The following MMP17 variants were observed in gnomAD, a reference collection of about 807,000 sequenced individuals.
MMP17 encodes matrix metalloproteinase-17.
In MMP17, 54 loss-of-function variants were observed where a neutral mutation model predicts 49.1. That is an observed-to-expected ratio of 1.10 (90% confidence interval 0.88 to 1.38). The LOEUF (loss-of-function observed/expected upper bound fraction) is 1.38. MMP17 is among the 40% of genes most tolerant of loss of function. MMP17 has a pLI of 0.00. For synonymous variants in MMP17, 397 were observed against 383.1 expected (o/e 1.04, Z -0.42); for missense variants, 837 against 853.7 (o/e 0.98, Z 0.24).
rs745512111 is a variant in MMP17 at position 131,845,463 on chromosome 12, C to T, written c.1204+14C>T. 6.5e-7 allele frequency: 1 copy of T among 1,547,114 alleles called. No homozygotes were observed. The highest frequency in any genetic ancestry group is 1.2e-5 in the South Asian group (1 of 85,130). On this transcript the variant is annotated intron_variant, in intron 8 of 9. Transcript: ENST00000360564. ...TCTTCTTTAAAGGTGGGTGGGCCTC[C>T]CCGTCGCACTCCGGGCTTCCCGGGC...
At chr12:131,842,057 C>T (rs530718669) in intron 5 of MMP17, among the ~76,000 whole-genome samples, 1 of 152,214 alleles carries the variant, frequency 6.6e-6, no homozygotes, top group African/African-American at 2.4e-5. Flanking sequence ...GCGTCCCAGG[C>T]CTGTGCAAAT....
At chr12:131,830,287 GGCACCCCGGGGGTCACCC>G (rs1308178741) in intron 1 of MMP17, among the ~76,000 whole-genome samples, 2 of 152,246 alleles carry the variant, frequency 1.3e-5, no homozygotes, top group East Asian at 3.9e-4. Context: ...GGTCTCTCCT[GGCACCCCGGGGGTCACCC>G]GCCCCGCGCC....
Position 131,840,662 on chromosome 12 carries a change from C to T in MMP17, c.512C>T (p.Ala171Val), listed in dbSNP as rs377068027. The T allele has an allele frequency of 1.9e-5, 30 of 1,608,470 alleles. No individual in the cohort carries two copies. The highest frequency in any genetic ancestry group is 1.6e-4 in the Middle Eastern group (1 of 6,084). ...YYALKVWSDIAPLNFHEVAGS... is the reference protein window; with the variant it reads ...YYALKVWSDIVPLNFHEVAGS... ...GCCCTCAAGGTCTGGAGCGACATTG[C>T]GCCCCTGAACTTCCACGAGGTGGCG... Residue 171 changes from alanine (A) to valine (V), a missense_variant, in exon 4 of 10, where the codon GCG becomes GTG. By Grantham distance (64) the Ala-to-Val change is moderately conservative. Coordinates refer to ENST00000360564, the MANE Select transcript of MMP17 (RefSeq NM_016155.7).
rs1421605259 is a variant in MMP17 at position 131,846,745 on chromosome 12, C to T, written c.1204+1296C>T. Among the ~76,000 whole-genome samples the T allele has an allele frequency of 1.3e-5, 2 of 152,168 alleles. No individual in the cohort carries two copies. Among genetic ancestry groups the T allele is most frequent in the Non-Finnish European group, 2.9e-5 (2 of 68,026 alleles). On this transcript the variant is annotated intron_variant, in intron 8 of 9. Transcript: ENST00000360564. This position sits in a 1 kb window ranked among gnomAD's most constrained non-coding sequence, Gnocchi z 4.6. Reference sequence around the variant, plus strand: ...ACCCTCTTTCCAAGTAAGGTCACGTCCTGAGATTCTGGGTGGATGTGAGTT... The same window carrying T: ...ACCCTCTTTCCAAGTAAGGTCACGTTCTGAGATTCTGGGTGGATGTGAGTT...
chr12:131,828,657 A>G lies in MMP17; in HGVS notation c.159+4A>G. 2.3e-6 allele frequency: 1 copy of G among 441,982 alleles called. No homozygotes were observed. Among genetic ancestry groups the G allele is most frequent in the Non-Finnish European group, 3.1e-6 (1 of 322,974 alleles). The allele number at this position is 441,982 out of a possible 1,614,324, so 27.4% of individuals were successfully genotyped here. Reference sequence around the variant, plus strand: ...CGAGGACCTCAGCCTGGGAGTGGTGAGCGCGCGGGCGGGACGGGCGCGGAG... The same window carrying G: ...CGAGGACCTCAGCCTGGGAGTGGTGGGCGCGCGGGCGGGACGGGCGCGGAG... On this transcript the variant is annotated splice_donor_region_variant and intron_variant, in intron 1 of 9. Coordinates refer to ENST00000360564, the MANE Select transcript of MMP17 (RefSeq NM_016155.7).
At chr12:131,838,537 A>G (rs7971187) in intron 2 of MMP17, 75 bp from the exon 3 acceptor site, 1,009,267 of 1,528,886 alleles carry the variant, frequency 0.66, 334,442 homozygotes, top group African/African-American at 0.76. Context: ...CAGGGCTCCC[A>G]CCCTTGCGGA....
chr12:131,850,240 C>T (rs778979228), intron 9 of MMP17, among the ~76,000 whole-genome samples, 181 bp downstream of exon 9: 17 of 152,158 alleles, frequency 1.1e-4, no homozygotes, highest in East Asian at 1.9e-4. Flanking sequence ...AGTCGCTCCC[C>T]GAAGGCCTGG....
At chr12:131,840,411 C>A in intron 3 of MMP17, 162 bp from the exon 4 acceptor site, 1 of 705,394 alleles carries the variant, frequency 1.4e-6, no homozygotes, top group Non-Finnish European at 2.3e-6. Flanking sequence ...ACTGGAACCG[C>A]CGTGAGTGCA....
chr12:131,843,277 T>C (rs1887518493), intron 5 of MMP17, among the ~76,000 whole-genome samples: 1 of 149,084 alleles, frequency 6.7e-6, no homozygotes, highest in Admixed American at 6.6e-5. Flanking sequence ...CTTTTTTTTT[T>C]TTTTTTTTTT....
rs778573423 is a variant in MMP17 at position 131,840,762 on chromosome 12, C to T, written c.612C>T (p.Gly204=). 2.2e-5 allele frequency: 35 copies of T among 1,604,494 alleles called. No individual in the cohort carries two copies. Among genetic ancestry groups the T allele is most frequent in the Non-Finnish European group, 2.6e-5 (31 of 1,179,860 alleles). Residue 204 remains glycine (G), a synonymous_variant, in exon 4 of 10, where the codon GGC becomes GGT. Transcript: ENST00000360564. ...ACGGCTACCCCTTCGACGGCCCCGG[C>T]GGCACCGTGGCCCACGCCTTCTTCC... ...HNDGYPFDGP[G]GTVAHAFFPG... is the part of the protein sequence containing the mutation.
chr12:131,850,152 G>T, intron 9 of MMP17, 93 bp downstream of exon 9: 1 of 1,449,042 alleles, frequency 6.9e-7, no homozygotes. Flanking sequence ...TTCCCTGAAA[G>T]GAGGACGGCC....
intron 1 of MMP17, among the ~76,000 whole-genome samples, chr12:131,835,057 G>C (rs912296362): frequency 3.9e-5 from 6 of 152,166 alleles, no homozygotes; most frequent in Admixed American, 3.3e-4. Flanking sequence ...TGTTCTGTTG[G>C]GGTGTCCCTG....
chr12:131,838,503 C>T (rs903193936), intron 2 of MMP17, 109 bp from the exon 3 acceptor site: 46 of 1,468,518 alleles, frequency 3.1e-5, no homozygotes, highest in Middle Eastern at 2.5e-4. Flanking sequence ...GAGGAGGGGG[C>T]GGCTCGGAGG....
At chr12:131,837,675 G>A (rs1049998911) in intron 1 of MMP17, among the ~76,000 whole-genome samples, 12 of 152,348 alleles carry the variant, frequency 7.9e-5, no homozygotes, top group African/African-American at 2.6e-4. Context: ...GGTCGTGCAC[G>A]GCACAAGCTC....
chr12:131,850,179 C>T (rs1400232100), intron 9 of MMP17, 120 bp downstream of exon 9: 2 of 1,349,154 alleles, frequency 1.5e-6, no homozygotes, highest in East Asian at 2.5e-5. Context: ...GGTGTGGGCT[C>T]TGAGGGTCCC....
chr12:131,835,594 G>A (rs1298198470), intron 1 of MMP17, among the ~76,000 whole-genome samples: 6 of 152,184 alleles, frequency 3.9e-5, no homozygotes, highest in Admixed American at 6.5e-5. Context: ...GCTTATAGAC[G>A]GGAAGGCTGG....
chr12:131,851,191 C>T lies in MMP17; in HGVS notation c.1729C>T (p.Leu577=), dbSNP rs1887957168. 3.4e-6 allele frequency: 5 copies of T among 1,463,632 alleles called. No individual in the cohort carries two copies. The highest frequency in any genetic ancestry group is 4.5e-6 in the Non-Finnish European group (5 of 1,105,682). The allele number at this position is 1,463,632 out of a possible 1,614,324, so 90.7% of individuals were successfully genotyped here. The change falls in exon 10 of 10, where the codon CTG becomes TTG. Residue 577 remains leucine, a synonymous_variant. Transcript: ENST00000360564. ...CTCTCCCCCGGGGGCCCCAGGCCCA[C>T]TGGTGGCTGCCACCATGCTGCTGCT... ...ASSPPGAPGP[L]VAATMLLLLP...
At position 131,846,900 on chromosome 12, in the gene MMP17, C is replaced by T. The variant is rs954352863; in HGVS notation, c.1204+1451C>T. Among the ~76,000 whole-genome samples the T allele has an allele frequency of 6.6e-6, 1 of 152,256 alleles. No individual in the cohort carries two copies. The highest frequency in any genetic ancestry group is 1.5e-5 in the Non-Finnish European group (1 of 68,016). On this transcript the variant is annotated intron_variant, in intron 8 of 9. Transcript: ENST00000360564. This position sits in a 1 kb window ranked among gnomAD's most constrained non-coding sequence, Gnocchi z 4.6. ...CCACTTCCTGTAACTCCATCGCCTG[C>T]CCGGCCCTCAGCATTTGACTCCGTC...
Position 131,840,772 on chromosome 12 carries a change from G to A in MMP17, c.622G>A (p.Ala208Thr). ...YPFDGPGGTVAHAFFPGHHHT... is the reference protein window; with the variant it reads ...YPFDGPGGTVTHAFFPGHHHT... ...CTTCGACGGCCCCGGCGGCACCGTG[G>A]CCCACGCCTTCTTCCCCGGCCACCA... Residue 208 changes from alanine (A) to threonine (T), a missense_variant, in exon 4 of 10, where the codon GCC becomes ACC. Ala to Thr is a moderately conservative substitution (Grantham distance 58). Transcript: ENST00000360564. 6.2e-7 allele frequency: 1 copy of A among 1,605,098 alleles called. No individual in the cohort carries two copies. Among genetic ancestry groups the A allele is most frequent in the East Asian group, 2.2e-5 (1 of 44,864 alleles).
Sources: gnomAD v4.1 joint callset for allele counts (sites outside exome capture counted in the v4.1 genomes callset) on GRCh38, gnomAD v4.1.1 for gene constraint, Gnocchi (gnomAD v3.1) non-coding constraint, MANE v1.5 for transcripts, NCBI Gene and HGNC (gene_info 2026-07-23, HGNC 2026-07-21) for gene names.